Variants in ARHGAP20 observed in about 807,000 individuals in gnomAD.
The protein encoded by ARHGAP20 is rho GTPase-activating protein 20.
ARHGAP20 carries 34 observed loss-of-function variants against 73.7 expected under a neutral mutation model. That is an observed-to-expected ratio of 0.46 (90% CI 0.35 to 0.61). ARHGAP20 has a LOEUF of 0.61. Ranked by LOEUF, ARHGAP20 falls within the 20% of genes least tolerant of loss-of-function variation. ARHGAP20 has a pLI of 0.00. For missense variants in ARHGAP20, 1,314 were observed against 1,420.9 expected, an observed-to-expected ratio of 0.92 and a Z score of 1.21; for synonymous variants, 523 against 518.2, an observed-to-expected ratio of 1.01 and a Z score of -0.13.
At chr11:110,583,208 G>A (rs1199517269) in intron 13 of ARHGAP20, among the ~76,000 whole-genome samples, 2 of 152,172 alleles carry the variant, frequency 1.3e-5, no homozygotes, top group Non-Finnish European at 2.9e-5. Flanking sequence ...TTTTGCCCAA[G>A]ACTGTACATC....
chr11:110,599,521 G>A (rs1449489235), intron 9 of ARHGAP20, among the ~76,000 whole-genome samples: 1 of 152,238 alleles, frequency 6.6e-6, no homozygotes, highest in Non-Finnish European at 1.5e-5. Flanking sequence ...GCAGGAGGCA[G>A]AAAGGTTCCT....
intron 1 of ARHGAP20, among the ~76,000 whole-genome samples, chr11:110,701,719 T>A (rs1249883880): frequency 6.6e-6 from 1 of 152,176 alleles, no homozygotes; most frequent in Non-Finnish European, 1.5e-5. Flanking sequence ...GTTTTAGGTC[T>A]AACGTTTAAG....
chr11:110,651,660 C>T (rs1040549698), intron 2 of ARHGAP20, among the ~76,000 whole-genome samples: 4 of 151,722 alleles, frequency 2.6e-5, no homozygotes, highest in African/African-American at 9.7e-5. Context: ...CATACACCCA[C>T]CCAAGACTGA....
chr11:110,652,490 C>A (rs114602636), intron 2 of ARHGAP20, among the ~76,000 whole-genome samples: 1 of 152,088 alleles, frequency 6.6e-6, no homozygotes, highest in Non-Finnish European at 1.5e-5. Context: ...AAACCTCCTT[C>A]GTCTCAGCCC....
chr11:110,626,598 G>A (rs1314829845), intron 3 of ARHGAP20, among the ~76,000 whole-genome samples: 1 of 152,180 alleles, frequency 6.6e-6, no homozygotes, highest in Non-Finnish European at 1.5e-5. Context: ...GGACAGTGTT[G>A]ACTCCTGAGC....
At chr11:110,698,014 A>G (rs1950370209) in intron 1 of ARHGAP20, among the ~76,000 whole-genome samples, 1 of 151,796 alleles carries the variant, frequency 6.6e-6, no homozygotes, top group Admixed American at 6.6e-5. Context: ...TGCCTTGAAT[A>G]GTATGGGCAT....
chr11:110,638,866 G>C (rs1949022762), intron 2 of ARHGAP20, among the ~76,000 whole-genome samples: 1 of 151,978 alleles, frequency 6.6e-6, no homozygotes, highest in South Asian at 2.1e-4. Context: ...GGGAGGAGTG[G>C]GGAGGGATAG....
At chr11:110,664,220 T>G (rs1054068702) in intron 2 of ARHGAP20, among the ~76,000 whole-genome samples, 1 of 151,996 alleles carries the variant, frequency 6.6e-6, no homozygotes, top group Non-Finnish European at 1.5e-5. Flanking sequence ...GCATCTAGAT[T>G]GTAAGGAAGA....
chr11:110,620,306 T>C (rs192860803), intron 4 of ARHGAP20, among the ~76,000 whole-genome samples: 1 of 152,190 alleles, frequency 6.6e-6, no homozygotes, highest in Non-Finnish European at 1.5e-5. Flanking sequence ...TATGCCACCA[T>C]GCCTGCATAA....
In ARHGAP20 at chr11:110,577,897, A is replaced by G. The variant is rs567868917; in HGVS notation, c.*1473T>C. The G allele has an allele frequency of 5.1e-6, 5 of 985,790 alleles. No homozygotes were observed. The highest frequency in any genetic ancestry group is 4.7e-5 in the South Asian group (1 of 21,280). The allele number at this position is 985,790 out of a possible 1,614,324, so 61.1% of individuals were successfully genotyped here. On this transcript the variant is annotated 3_prime_UTR_variant, in exon 15 of 15. Coordinates refer to ENST00000683387, the MANE Select transcript of ARHGAP20 (RefSeq NM_001384657.1). ...GAACAAAAAAGAAAGAACATTTGAT[A>G]TGACCATTTTCTGGTGATTAATAAG...
At chr11:110,590,841 G>GAC in intron 10 of ARHGAP20, 32 bp from the exon 11 acceptor site, 1 of 1,596,448 alleles carries the variant, frequency 6.3e-7, no homozygotes, top group Non-Finnish European at 8.5e-7. Context: ...TAAACAAAAT[G>GAC]ACACTTCCAC....
At chr11:110,657,425 AC>A (rs1239044115) in intron 2 of ARHGAP20, among the ~76,000 whole-genome samples, 1 of 152,278 alleles carries the variant, frequency 6.6e-6, no homozygotes, top group East Asian at 1.9e-4. Flanking sequence ...ATTAAAAAAA[AC>A]ATAATGGGAA....
Position 110,590,638 on chromosome 11 carries a change from C to T in ARHGAP20, c.1305+10G>A, listed in dbSNP as rs772839808. Reference sequence around the variant, plus strand: ...CACCATGGGGTGGATAAAGGGATGACTCTTCTTACCTTTAAGACAGATGCT... The same window carrying T: ...CACCATGGGGTGGATAAAGGGATGATTCTTCTTACCTTTAAGACAGATGCT... On this transcript the variant is annotated intron_variant, in intron 11 of 14. Transcript: ENST00000683387. 1.2e-6 allele frequency: 2 copies of T among 1,609,060 alleles called. No individual in the cohort carries two copies. Among genetic ancestry groups the T allele is most frequent in the East Asian group, 4.5e-5 (2 of 44,728 alleles).
chr11:110,681,243 G>C (rs1950031213), intron 2 of ARHGAP20, among the ~76,000 whole-genome samples: 1 of 152,012 alleles, frequency 6.6e-6, no homozygotes, highest in Admixed American at 6.6e-5. Flanking sequence ...ATTTTGAAAA[G>C]GTCTTAAAGA....
At chr11:110,683,293 T>G (rs777235374) in intron 2 of ARHGAP20, among the ~76,000 whole-genome samples, 3 of 152,254 alleles carry the variant, frequency 2.0e-5, no homozygotes, top group Admixed American at 1.3e-4. Flanking sequence ...ACATGAGCAC[T>G]TGTGGCATTT....
chr11:110,652,201 A>AACTCTC (rs1949370671), intron 2 of ARHGAP20, among the ~76,000 whole-genome samples: 1 of 152,208 alleles, frequency 6.6e-6, no homozygotes, highest in South Asian at 2.1e-4. Flanking sequence ...TATTGTTAAA[A>AACTCTC]ACTCTCAAAA....
chr11:110,695,681 T>A (rs2135128396), intron 1 of ARHGAP20, among the ~76,000 whole-genome samples: 1 of 151,550 alleles, frequency 6.6e-6, no homozygotes, highest in East Asian at 1.9e-4. Context: ...TAATTACAAG[T>A]GTTGGTGAGG....
At chr11:110,583,886 G>A in intron 12 of ARHGAP20, 149 bp from the exon 13 acceptor site, 5 of 565,078 alleles carry the variant, frequency 8.8e-6, no homozygotes, top group Non-Finnish European at 1.1e-5. Flanking sequence ...CATACAAAGT[G>A]AGGACTGCCT....
At chr11:110,630,877 T>C in intron 2 of ARHGAP20, 85 bp from the exon 3 acceptor site, 1 of 1,376,144 alleles carries the variant, frequency 7.3e-7, no homozygotes, top group Non-Finnish European at 1.0e-6. Context: ...TTTTTTTTAA[T>C]ACAATGGTAT....
Sources: gnomAD v4.1 joint callset for allele counts (sites outside exome capture counted in the v4.1 genomes callset) on GRCh38, gnomAD v4.1.1 for gene constraint, MANE v1.5 for transcripts, NCBI Gene and HGNC (gene_info 2026-07-23, HGNC 2026-07-21) for gene names.